Variants in MTHFD2L observed in about 807,000 individuals in gnomAD.
MTHFD2L encodes the protein bifunctional methylenetetrahydrofolate dehydrogenase/cyclohydrolase 2, mitochondrial.
A neutral mutation model predicts 34.9 loss-of-function variants in MTHFD2L; 29 were observed. The observed-to-expected ratio is 0.83, with a 90% CI of 0.62 to 1.13. MTHFD2L has a LOEUF of 1.13. Ranked by LOEUF, MTHFD2L falls within the 50% of genes most tolerant of loss-of-function variation. MTHFD2L has a pLI of 0.00. For synonymous variants in MTHFD2L, 167 were observed against 155.7 expected, an observed-to-expected ratio of 1.07 and a Z score of -0.54; for missense variants, 481 against 446.5, an observed-to-expected ratio of 1.08 and a Z score of -0.70.
At chr4:74,199,682 CT>C (rs950523885) in intron 3 of MTHFD2L, 111 bp from the exon 4 acceptor site, 14 of 911,108 alleles carry the variant, frequency 1.5e-5, no homozygotes, top group Non-Finnish European at 2.1e-5. Flanking sequence ...GACTTTACAC[CT>C]TTTTTAGAGC....
chr4:74,254,502 C>T (rs1260530513), intron 6 of MTHFD2L, among the ~76,000 whole-genome samples: 1 of 149,460 alleles, frequency 6.7e-6, no homozygotes, highest in Admixed American at 6.7e-5. Context: ...TAAATAAAAA[C>T]AAACAAATAG....
intron 7 of MTHFD2L, among the ~76,000 whole-genome samples, chr4:74,282,722 G>A (rs1442296846): frequency 6.6e-6 from 1 of 152,122 alleles, no homozygotes; most frequent in Non-Finnish European, 1.5e-5. Context: ...AAGTACAGAT[G>A]TACCGTACCA....
At chr4:74,230,928 C>A (rs1357202241) in intron 6 of MTHFD2L, among the ~76,000 whole-genome samples, 1 of 152,074 alleles carries the variant, frequency 6.6e-6, no homozygotes, top group Non-Finnish European at 1.5e-5. Context: ...CTCCACCCAT[C>A]TGAGTAAACT....
chr4:74,271,077 T>C (rs1026370675), intron 6 of MTHFD2L, among the ~76,000 whole-genome samples: 25 of 152,258 alleles, frequency 1.6e-4, no homozygotes, highest in Non-Finnish European at 2.8e-4. Flanking sequence ...ATTAGCCCTT[T>C]GTCAGATGAG....
In MTHFD2L at chr4:74,185,151, C is replaced by CAAAAAAAAAAA. The variant is rs1169021073; in HGVS notation, c.451+9766_451+9776dup. On this transcript the variant is annotated intron_variant, in intron 3 of 7. Coordinates refer to ENST00000325278, the MANE Select transcript of MTHFD2L (RefSeq NM_001144978.3). ...TGGGCGACAGAGCGAGACTCCATCTCAAAAAAAAAAAAAAAAAAAAAAAAA... is the reference window on the plus strand; with the variant it reads ...TGGGCGACAGAGCGAGACTCCATCTCAAAAAAAAAAAAAAAAAAAAAAAAAAAAAAAAAAAA... 1.1e-3 allele frequency among the ~76,000 whole-genome samples: 18 copies of CAAAAAAAAAAA among 15,982 alleles called. 1 individual carries two copies. Among genetic ancestry groups the CAAAAAAAAAAA allele is most frequent in the African/African-American group, 3.0e-3 (15 of 5,008 alleles). 10.5% of individuals were successfully genotyped at this position (15,982 alleles called of 152,430 possible). A position where few individuals can be genotyped will look rare whatever the true frequency, so the allele number is the denominator to read the frequency against.
intron 6 of MTHFD2L, among the ~76,000 whole-genome samples, chr4:74,231,811 T>A (rs561289891): frequency 6.6e-6 from 1 of 152,288 alleles, no homozygotes; most frequent in East Asian, 1.9e-4. Flanking sequence ...ACTATGCTGA[T>A]CTAAGTAGAA....
chr4:74,217,617 A>G (rs892807022), intron 5 of MTHFD2L, among the ~76,000 whole-genome samples: 2 of 151,736 alleles, frequency 1.3e-5, no homozygotes, highest in Non-Finnish European at 2.9e-5. Context: ...GTGAGGTTCT[A>G]GCTCAGATTG....
chr4:74,210,090 A>G (rs1736039915), intron 5 of MTHFD2L, among the ~76,000 whole-genome samples: 1 of 152,194 alleles, frequency 6.6e-6, no homozygotes. Context: ...TCCAGATATT[A>G]GCCCTTTGCC....
intron 5 of MTHFD2L, among the ~76,000 whole-genome samples, chr4:74,210,370 G>C (rs936840285): frequency 2.0e-5 from 3 of 152,126 alleles, no homozygotes; most frequent in African/African-American, 7.2e-5. Flanking sequence ...TTTTGTATGA[G>C]ATGTAAGGAA....
At chr4:74,221,454 T>G (rs1040637393) in intron 5 of MTHFD2L, among the ~76,000 whole-genome samples, 1 of 151,822 alleles carries the variant, frequency 6.6e-6, no homozygotes, top group Non-Finnish European at 1.5e-5. Flanking sequence ...TTTCTTTTTC[T>G]TATGTATATA....
intron 5 of MTHFD2L, among the ~76,000 whole-genome samples, chr4:74,205,447 C>A (rs564707371): frequency 1.3e-5 from 2 of 152,064 alleles, no homozygotes; most frequent in Non-Finnish European, 2.9e-5. Context: ...CCTAGTGATT[C>A]GTTTTTGTCT....
At chr4:74,144,821 C>T (rs1560411648) in intron 1 of MTHFD2L, among the ~76,000 whole-genome samples, 2 of 152,058 alleles carry the variant, frequency 1.3e-5, no homozygotes. Context: ...TCATGTGAAT[C>T]TGCAAGCACA....
intron 1 of MTHFD2L, chr4:74,161,183 A>G (rs1031752164): frequency 1.6e-4 from 24 of 152,290 alleles, no homozygotes; most frequent in African/African-American, 5.8e-4. Context: ...AAAAATCTAC[A>G]TTTTTGGAAC....
intron 5 of MTHFD2L, among the ~76,000 whole-genome samples, chr4:74,206,821 A>C (rs753843875): frequency 2.6e-5 from 4 of 152,220 alleles, no homozygotes; most frequent in Non-Finnish European, 5.9e-5. Context: ...ACAAATTGTC[A>C]TAATGACTAA....
In MTHFD2L at chr4:74,301,833, C is replaced by T; in HGVS notation, c.*24C>T. ...AGATCACATGAAAGGATAAAGCAAA[C>T]TGAAGTCATGCTATTTGTTTATTTG... On this transcript the variant is annotated 3_prime_UTR_variant, in exon 8 of 8. Transcript: ENST00000325278. The T allele has an allele frequency of 7.0e-7, 1 of 1,426,968 alleles. No individual in the cohort carries two copies. The highest frequency in any genetic ancestry group is 9.7e-7 in the Non-Finnish European group (1 of 1,026,420). 88.4% of individuals were successfully genotyped at this position (1,426,968 alleles called of 1,614,324 possible).
intron 1 of MTHFD2L, among the ~76,000 whole-genome samples, chr4:74,138,110 A>C (rs1339128792): frequency 6.6e-6 from 1 of 152,052 alleles, no homozygotes. Context: ...TAAATAAATA[A>C]GTAAATTCGG....
chr4:74,244,090 A>T (rs1302180686), intron 6 of MTHFD2L, among the ~76,000 whole-genome samples: 2 of 152,220 alleles, frequency 1.3e-5, no homozygotes, highest in African/African-American at 4.8e-5. Context: ...TGAAGAGTGA[A>T]GTCATTTGTT....
At position 74,158,154 on chromosome 4, in the gene MTHFD2L, C is replaced by T. The variant is rs534506277; in HGVS notation, c.16C>T (p.Arg6Cys). The T allele has an allele frequency of 3.3e-6, 5 of 1,529,594 alleles. No individual in the cohort carries two copies. The highest frequency in any genetic ancestry group is 1.2e-5 in the South Asian group (1 of 81,888). The allele number at this position is 1,529,594 out of a possible 1,614,324, so 94.8% of individuals were successfully genotyped here. A position where few individuals can be genotyped will look rare whatever the true frequency, so the allele number is the denominator to read the frequency against. The change falls in exon 1 of 8, where the codon CGC becomes TGC. Residue 6 changes from arginine (R) to cysteine (C), a missense_variant. Arg to Cys is a radical substitution (Grantham distance 180). Transcript: ENST00000325278. MTVPV[R>C]GFSLLRGRLG... ...ATCCGCGGCCATGACGGTGCCGGTC[C>T]GCGGCTTCTCGCTGCTCCGCGGCCG... is the stretch of plus-strand genomic sequence containing the variant.
chr4:74,286,529 A>G (rs914054151), intron 7 of MTHFD2L, among the ~76,000 whole-genome samples: 1 of 152,206 alleles, frequency 6.6e-6, no homozygotes, highest in Non-Finnish European at 1.5e-5. Context: ...ATTGGAAAAC[A>G]GTATGTAGTC....
Sources: allele counts gnomAD v4.1 joint callset (sites outside exome capture counted in the v4.1 genomes callset), GRCh38; gene constraint gnomAD v4.1.1; transcripts MANE v1.5; gene names NCBI Gene and HGNC (gene_info 2026-07-23, HGNC 2026-07-21).